ATP6V1H: variants seen among roughly 807,000 people sequenced by gnomAD.
ATP6V1H encodes V-type proton ATPase subunit H.
Under a neutral mutation model 71.7 loss-of-function variants are expected in ATP6V1H, and 39 were observed. The ratio of observed to expected loss-of-function variants is 0.54; its 90% CI spans 0.42 to 0.71. The LOEUF (loss-of-function observed/expected upper bound fraction) is 0.71. Ranked by LOEUF, ATP6V1H falls within the 30% of genes least tolerant of loss-of-function variation. The pLI is 0.00. For synonymous variants in ATP6V1H, 192 were observed against 199.3 expected, an observed-to-expected ratio of 0.96 and a Z score of 0.31; for missense variants, 509 against 594.9, an observed-to-expected ratio of 0.86 and a Z score of 1.50.
chr8:53,763,166 G>A (rs1284233982), intron 11 of ATP6V1H, among the ~76,000 whole-genome samples: 1 of 152,128 alleles, frequency 6.6e-6, no homozygotes, highest in Non-Finnish European at 1.5e-5. Flanking sequence ...TTTGACTGTG[G>A]GGGAGGAGGG....
chr8:53,722,956 T>C (rs1193247548), intron 13 of ATP6V1H, among the ~76,000 whole-genome samples: 2 of 152,238 alleles, frequency 1.3e-5, no homozygotes, highest in East Asian at 3.8e-4. Context: ...AGAAAGTGAA[T>C]TAAATCAGCT....
chr8:53,730,427 G>C (rs538683068), intron 13 of ATP6V1H, among the ~76,000 whole-genome samples: 7 of 152,224 alleles, frequency 4.6e-5, no homozygotes, highest in Non-Finnish European at 2.9e-5. Flanking sequence ...TTCTATAATA[G>C]ATCATTTACA....
At chr8:53,784,504 G>A (rs1027821604) in intron 9 of ATP6V1H, among the ~76,000 whole-genome samples, 20 of 152,148 alleles carry the variant, frequency 1.3e-4, no homozygotes, top group African/African-American at 4.8e-4. Flanking sequence ...TTGCCAGTCT[G>A]TGTCTTTTAA....
chr8:53,718,257 A>G (rs1006318095), intron 13 of ATP6V1H, among the ~76,000 whole-genome samples: 2 of 152,174 alleles, frequency 1.3e-5, no homozygotes, highest in African/African-American at 4.8e-5. Context: ...AAAACCTAGC[A>G]CAGGTGCGCT....
chr8:53,733,300 C>G (rs1042105687), intron 13 of ATP6V1H, among the ~76,000 whole-genome samples: 10 of 152,176 alleles, frequency 6.6e-5, no homozygotes, highest in Non-Finnish European at 1.3e-4. Context: ...GATCCGGGGT[C>G]AGGTGTCACC....
intron 12 of ATP6V1H, among the ~76,000 whole-genome samples, chr8:53,755,142 T>G (rs1460239573): frequency 6.6e-6 from 1 of 152,164 alleles, no homozygotes; most frequent in Non-Finnish European, 1.5e-5. Context: ...TTGGGAGATC[T>G]CTCTGTTTTC....
At chr8:53,806,790 C>CA (rs1359645666) in intron 7 of ATP6V1H, 2 of 445,072 alleles carry the variant, frequency 4.5e-6, no homozygotes, top group Admixed American at 2.4e-5. Flanking sequence ...GCAATCCTTC[C>CA]AAAAATCAAT....
At chr8:53,780,380 T>A (rs1809065070) in intron 9 of ATP6V1H, among the ~76,000 whole-genome samples, 1 of 152,182 alleles carries the variant, frequency 6.6e-6, no homozygotes, top group Non-Finnish European at 1.5e-5. Flanking sequence ...CTTCTTTAAA[T>A]ACATGTTCTC....
At chr8:53,767,048 G>A (rs951302194) in intron 11 of ATP6V1H, among the ~76,000 whole-genome samples, 2 of 152,070 alleles carry the variant, frequency 1.3e-5, no homozygotes, top group African/African-American at 4.8e-5. Flanking sequence ...GGGCATCACG[G>A]ATCCTACCAA....
intron 11 of ATP6V1H, among the ~76,000 whole-genome samples, chr8:53,765,451 A>T (rs1808419365): frequency 1.1e-5 from 1 of 93,142 alleles, no homozygotes; most frequent in Non-Finnish European, 2.0e-5. Flanking sequence ...CAACAACAAC[A>T]ACAACACACA....
intron 8 of ATP6V1H, among the ~76,000 whole-genome samples, 159 bp from the exon 9 acceptor site, chr8:53,795,998 G>A (rs1809718033): frequency 6.6e-6 from 1 of 152,188 alleles, no homozygotes; most frequent in Non-Finnish European, 1.5e-5. Context: ...TACTCACAGA[G>A]AACCATTTCC....
intron 7 of ATP6V1H, among the ~76,000 whole-genome samples, chr8:53,805,064 A>C (rs958637343): frequency 2.6e-5 from 4 of 152,234 alleles, no homozygotes; most frequent in African/African-American, 9.6e-5. Context: ...AAACATAAAA[A>C]CATCAATGAT....
chr8:53,781,037 A>G (rs1482909097), intron 9 of ATP6V1H, among the ~76,000 whole-genome samples: 1 of 152,150 alleles, frequency 6.6e-6, no homozygotes, highest in Non-Finnish European at 1.5e-5. Flanking sequence ...ATGATTTATA[A>G]TCCTTTGGGT....
chr8:53,719,234 G>T, intron 13 of ATP6V1H, among the ~76,000 whole-genome samples: 1 of 152,080 alleles, frequency 6.6e-6, no homozygotes, highest in Admixed American at 6.5e-5. Context: ...GCAATGGTGT[G>T]ATCTCAGCTC....
At chr8:53,788,165 A>C (rs1028806484) in intron 9 of ATP6V1H, among the ~76,000 whole-genome samples, 1 of 152,164 alleles carries the variant, frequency 6.6e-6, no homozygotes, top group African/African-American at 2.4e-5. Flanking sequence ...ATGTCTAAAG[A>C]TGTTCTTCTT....
chr8:53,730,929 C>T (rs567332616), intron 13 of ATP6V1H, among the ~76,000 whole-genome samples: 1 of 152,278 alleles, frequency 6.6e-6, no homozygotes, highest in South Asian at 2.1e-4. Flanking sequence ...CCGACATCCA[C>T]AGTCCACATG....
rs140473617 is a variant in ATP6V1H at position 53,754,066 on chromosome 8, G to C, written c.1277+2489C>G. Among the ~76,000 whole-genome samples, 336 of 152,278 alleles carry C rather than the reference G, an allele frequency of 2.2e-3. 2 individuals are homozygous for C. Among genetic ancestry groups the C allele is most frequent in the African/African-American group, 7.8e-3 (325 of 41,570 alleles). The stretch of plus-strand genomic sequence containing the variant: ...GATGAGCCCTGCACACTGCGCATAA[G>C]AGGAACCCTGAACTTAGAGAAACCC... On this transcript the variant is annotated intron_variant, in intron 12 of 13. Coordinates refer to ENST00000359530, the MANE Select transcript of ATP6V1H (RefSeq NM_015941.4).
At chr8:53,837,245 C>T (rs1221710851) in intron 2 of ATP6V1H, among the ~76,000 whole-genome samples, 1 of 152,120 alleles carries the variant, frequency 6.6e-6, no homozygotes, top group Non-Finnish European at 1.5e-5. Context: ...CATGTTACTT[C>T]CTTTTCCAAA....
intron 6 of ATP6V1H, among the ~76,000 whole-genome samples, chr8:53,813,443 A>G (rs1484317356): frequency 6.6e-6 from 1 of 152,230 alleles, no homozygotes; most frequent in Non-Finnish European, 1.5e-5. Context: ...AACTTTCAAA[A>G]AATTTCAAAT....
Sources: gnomAD v4.1 joint callset for allele counts (sites outside exome capture counted in the v4.1 genomes callset) on GRCh38, gnomAD v4.1.1 for gene constraint, MANE v1.5 for transcripts, NCBI Gene and HGNC (gene_info 2026-07-23, HGNC 2026-07-21) for gene names.